MGAT4C: variants seen among roughly 807,000 people sequenced by gnomAD.
The protein encoded by MGAT4C is MGAT4 family member C, also known as alpha-1,3-mannosyl-glycoprotein 4-beta-N-acetylglucosaminyltransferase C.
A neutral mutation model predicts 40.1 loss-of-function variants in MGAT4C; 19 were observed. The observed-to-expected ratio is 0.47, with a 90% confidence interval of 0.33 to 0.70. The LOEUF is 0.70. MGAT4C is among the 30% of genes least tolerant of loss of function. The pLI is 0.02. For missense variants in MGAT4C, 491 were observed against 563.2 expected, an observed-to-expected ratio of 0.87 and a Z score of 1.30; for synonymous variants, 181 against 187.1, an observed-to-expected ratio of 0.97 and a Z score of 0.27.
At chr12:85,989,623 AAGTC>A (rs1359687762) in intron 2 of MGAT4C, 71 bp from the exon 3 acceptor site, 1 of 1,352,462 alleles carries the variant, frequency 7.4e-7, no homozygotes, top group African/African-American at 1.5e-5. Context: ...GCATATATAA[AAGTC>A]AGGTCCTTGT....
At chr12:86,837,728 A>T (rs532260354) in intron 1 of MGAT4C, among the ~76,000 whole-genome samples, 2 of 152,218 alleles carry the variant, frequency 1.3e-5, no homozygotes, top group South Asian at 4.1e-4. Flanking sequence ...CTAATACTAC[A>T]TGTTTATAAG....
rs141182208 is a variant in MGAT4C at position 86,081,996 on chromosome 12, C to T, written c.-56-32273G>A. 3.2e-3 allele frequency among the ~76,000 whole-genome samples: 488 copies of T among 152,276 alleles called. 3 individuals are homozygous for T. The highest frequency in any genetic ancestry group is 0.011 in the African/African-American group (458 of 41,548). On this transcript the variant is annotated intron_variant, in intron 1 of 4. Transcript: ENST00000611864. ...AGCTCATTACAGTTTGTGCAGCATA[C>T]TGTCTAGGGACCCCTTGCCCAGTGG...
intron 2 of MGAT4C, among the ~76,000 whole-genome samples, chr12:86,680,514 C>T (rs1024907362): frequency 2.0e-5 from 3 of 151,974 alleles, no homozygotes. Context: ...GACTAATGTG[C>T]AGTTGTTTCG....
intron 4 of MGAT4C, among the ~76,000 whole-genome samples, chr12:86,323,820 G>C (rs746666400): frequency 1.3e-4 from 19 of 151,808 alleles, no homozygotes; most frequent in Admixed American, 3.3e-4. Flanking sequence ...ATCGCAATTT[G>C]ATATTTAAAT....
upstream of MGAT4C, among the ~76,000 whole-genome samples, chr12:86,261,383 A>C (rs1414753022): frequency 2.6e-5 from 4 of 152,050 alleles, no homozygotes; most frequent in Non-Finnish European, 5.9e-5. Flanking sequence ...GTCAAGGGAG[A>C]GCTTGAAACC....
rs890173737 is a variant in MGAT4C, at chr12:86,165,197, T to C, written c.-57+91042A>G. Among the ~76,000 whole-genome samples the C allele has an allele frequency of 2.6e-5, 4 of 152,270 alleles. 1 individual carries two copies. Among genetic ancestry groups the C allele is most frequent in the African/African-American group, 7.2e-5 (3 of 41,574 alleles). The stretch of plus-strand genomic sequence containing the variant: ...TAAGCTAGGATAATTAGATTGATTA[T>C]GGGCTGATTCATTAAGACAACTAAA... On this transcript the variant is annotated intron_variant, in intron 1 of 4. Transcript: ENST00000611864.
intron 2 of MGAT4C, among the ~76,000 whole-genome samples, chr12:85,999,852 G>A (rs1336013594): frequency 1.3e-5 from 2 of 152,070 alleles, no homozygotes; most frequent in Non-Finnish European, 2.9e-5. Flanking sequence ...GTAGAATAGT[G>A]ATTACCAGAG....
At chr12:86,582,728 G>A (rs1236751570) in intron 2 of MGAT4C, among the ~76,000 whole-genome samples, 1 of 151,166 alleles carries the variant, frequency 6.6e-6, no homozygotes, top group Non-Finnish European at 1.5e-5. Flanking sequence ...ATATTGAATA[G>A]GCTGGTTCAA....
intron 2 of MGAT4C, among the ~76,000 whole-genome samples, chr12:86,566,163 A>G (rs909948071): frequency 3.3e-5 from 5 of 152,104 alleles, no homozygotes; most frequent in African/African-American, 7.2e-5. Context: ...CTGAGTGTCA[A>G]CTTGATTGGA....
At chr12:86,018,757 A>G (rs1035064656) in intron 2 of MGAT4C, among the ~76,000 whole-genome samples, 15 of 152,114 alleles carry the variant, frequency 9.9e-5, no homozygotes, top group African/African-American at 3.1e-4. Flanking sequence ...TATTACATAT[A>G]TAAGGAGAGA....
At chr12:86,496,237 G>A (rs747360523) in intron 2 of MGAT4C, among the ~76,000 whole-genome samples, 30 of 151,698 alleles carry the variant, frequency 2.0e-4, no homozygotes, top group Non-Finnish European at 3.7e-4. Flanking sequence ...GCTCTCTTGC[G>A]GACAACCACA....
At chr12:86,063,836 A>C (rs1894236569) in intron 1 of MGAT4C, among the ~76,000 whole-genome samples, 4 of 152,404 alleles carry the variant, frequency 2.6e-5, no homozygotes, top group African/African-American at 9.6e-5. Context: ...TTATCAATGC[A>C]ACAAGAAGAG....
At chr12:86,440,239 A>G (rs1369105825) in intron 2 of MGAT4C, among the ~76,000 whole-genome samples, 1 of 152,110 alleles carries the variant, frequency 6.6e-6, no homozygotes, top group African/African-American at 2.4e-5. Flanking sequence ...ACAAAATATT[A>G]GCAAACCAAA....
intron 1 of MGAT4C, among the ~76,000 whole-genome samples, chr12:86,826,533 G>T (rs1952811999): frequency 6.6e-6 from 1 of 151,456 alleles, no homozygotes; most frequent in South Asian, 2.1e-4. Flanking sequence ...CAATATTTTT[G>T]TTTAAATGCA....
At chr12:86,189,214 C>G (rs1451785449) in intron 1 of MGAT4C, among the ~76,000 whole-genome samples, 1 of 151,892 alleles carries the variant, frequency 6.6e-6, no homozygotes, top group East Asian at 1.9e-4. Context: ...AACGTCTCAA[C>G]CCATTTTAGA....
chr12:86,565,389 C>A (rs147844213), intron 2 of MGAT4C, among the ~76,000 whole-genome samples: 1 of 152,174 alleles, frequency 6.6e-6, no homozygotes, highest in South Asian at 2.1e-4. Flanking sequence ...AAGACTAGGG[C>A]CTGGTTTACA....
At chr12:86,602,883 C>CGTGT (rs35262458) in intron 2 of MGAT4C, among the ~76,000 whole-genome samples, 4,227 of 147,636 alleles carry the variant, frequency 0.029, 71 homozygotes, top group Admixed American at 0.037. Flanking sequence ...TGCCCATCTG[C>CGTGT]GTGTGTGTGT....
intron 1 of MGAT4C, among the ~76,000 whole-genome samples, chr12:86,826,662 T>C (rs1005364101): frequency 2.6e-5 from 4 of 151,242 alleles, no homozygotes; most frequent in African/African-American, 9.7e-5. Context: ...CATGGTTCGT[T>C]GGGGGTAGGC....
intron 2 of MGAT4C, among the ~76,000 whole-genome samples, chr12:86,452,891 A>C (rs2136288656): frequency 6.6e-6 from 1 of 152,046 alleles, no homozygotes. Context: ...AGGGGATGGA[A>C]GAGAATGGAG....
Sources: allele counts gnomAD v4.1 joint callset (sites outside exome capture counted in the v4.1 genomes callset), GRCh38; gene constraint gnomAD v4.1.1; transcripts MANE v1.5; gene names NCBI Gene and HGNC (gene_info 2026-07-23, HGNC 2026-07-21).